The following RECK variants were observed in gnomAD, a reference collection of about 807,000 sequenced individuals.
RECK encodes the protein reversion-inducing cysteine-rich protein with Kazal motifs.
In RECK, 69 loss-of-function variants were observed where a neutral mutation model predicts 115.1. The observed-to-expected ratio is 0.60, with a 90% CI of 0.49 to 0.73. The LOEUF (loss-of-function observed/expected upper bound fraction) is 0.73. Ranked by LOEUF, RECK falls within the 30% of genes least tolerant of loss-of-function variation. The pLI, the probability that RECK is intolerant of heterozygous loss-of-function variation, is 0.00. For synonymous variants in RECK, 414 were observed against 419.7 expected, an observed-to-expected ratio of 0.99 and a Z score of 0.17; for missense variants, 1,047 against 1,203.7, an observed-to-expected ratio of 0.87 and a Z score of 1.93.
Position 36,037,017 on chromosome 9 carries a change from T to C in RECK, c.19T>C (p.Ser7Pro), listed in dbSNP as rs1419595524. MATVRA[S>P]LRGALLLLLA... ...CCCGGACATGGCGACCGTCCGGGCC[T>C]CTCTGCGAGGTGCGCTGCTCCTTCT... The change falls in exon 1 of 21, where the codon TCT (serine) becomes CCT (proline). Residue 7 changes from serine to proline, a missense_variant. Ser to Pro is a moderately conservative substitution (Grantham distance 74, BLOSUM62 -1). Coordinates refer to ENST00000377966, the MANE Select transcript of RECK (RefSeq NM_021111.3). 7.0e-7 allele frequency: 1 copy of C among 1,432,606 alleles called. No homozygotes were observed. Among genetic ancestry groups the C allele is most frequent in the Non-Finnish European group, 9.2e-7 (1 of 1,089,936 alleles). 88.7% of individuals were successfully genotyped at this position (1,432,606 alleles called of 1,614,324 possible).
intron 6 of RECK, among the ~76,000 whole-genome samples, chr9:36,069,675 A>G (rs1201323091): frequency 1.3e-5 from 2 of 152,138 alleles, no homozygotes; most frequent in African/African-American, 4.8e-5. Flanking sequence ...GGGCTGAAAA[A>G]TAGTTTAGGA....
chr9:36,053,907 T>C (rs1588274080), intron 2 of RECK, among the ~76,000 whole-genome samples: 2 of 152,316 alleles, frequency 1.3e-5, no homozygotes, highest in East Asian at 3.9e-4. Flanking sequence ...ATATTACTCC[T>C]ATTACTGGTT....
At chr9:36,099,271 A>G (rs1164396118) in intron 10 of RECK, among the ~76,000 whole-genome samples, 1 of 149,710 alleles carries the variant, frequency 6.7e-6, no homozygotes, top group Admixed American at 6.7e-5. Context: ...CAACAACAAC[A>G]GTGGAGCTTT....
chr9:36,040,029 A>G (rs1820816521), intron 1 of RECK, among the ~76,000 whole-genome samples: 1 of 152,132 alleles, frequency 6.6e-6, no homozygotes, highest in South Asian at 2.1e-4. Flanking sequence ...GGTTATTTTT[A>G]TATATTATAA....
intron 1 of RECK, among the ~76,000 whole-genome samples, chr9:36,043,094 G>T (rs1036544213): frequency 1.6e-5 from 2 of 127,106 alleles, no homozygotes; most frequent in South Asian, 2.6e-4. Context: ...TCGTGATCTC[G>T]GCTCACTGCA....
intron 17 of RECK, 105 bp from the exon 18 acceptor site, chr9:36,118,652 G>GT (rs1348236277): frequency 1.1e-5 from 12 of 1,074,956 alleles, no homozygotes; most frequent in Non-Finnish European, 1.6e-5. Flanking sequence ...ATTTATACCT[G>GT]TGTCTTTTTT....
chr9:36,120,059 C>A, intron 18 of RECK, among the ~76,000 whole-genome samples: 1 of 151,876 alleles, frequency 6.6e-6, no homozygotes, highest in Non-Finnish European at 1.5e-5. Context: ...ACGGTGAAAC[C>A]CTGTCTCTAC....
At chr9:36,100,159 AG>A (rs1421611246) in intron 10 of RECK, among the ~76,000 whole-genome samples, 171 bp from the exon 11 acceptor site, 1 of 152,238 alleles carries the variant, frequency 6.6e-6, no homozygotes, top group Non-Finnish European at 1.5e-5. Flanking sequence ...GTTTAATGCT[AG>A]TGTCTACACT....
At chr9:36,038,865 T>C (rs115788811) in intron 1 of RECK, among the ~76,000 whole-genome samples, 1 of 151,728 alleles carries the variant, frequency 6.6e-6, no homozygotes, top group Non-Finnish European at 1.5e-5. Flanking sequence ...TGATTGCTAA[T>C]GAGTATGAAG....
At chr9:36,037,452 G>A (rs1820711094) in intron 1 of RECK, among the ~76,000 whole-genome samples, 1 of 151,702 alleles carries the variant, frequency 6.6e-6, no homozygotes, top group African/African-American at 2.4e-5. Context: ...ATGGGATTTC[G>A]GATACGCAGC....
chr9:36,104,326 A>ATTT (rs869033299), intron 12 of RECK, among the ~76,000 whole-genome samples: 1 of 27,516 alleles, frequency 3.6e-5, no homozygotes, highest in African/African-American at 2.1e-4. Flanking sequence ...ATATATATAT[A>ATTT]TTTTTTTTTT....
intron 6 of RECK, among the ~76,000 whole-genome samples, chr9:36,074,363 G>T (rs764017408): frequency 3.9e-5 from 6 of 152,178 alleles, no homozygotes; most frequent in Non-Finnish European, 7.3e-5. Flanking sequence ...TATTTAATAT[G>T]TATCAGGCAT....
In RECK at chr9:36,080,601, A is replaced by G. The variant is rs752069229; in HGVS notation, c.406-4A>G. On this transcript the variant is annotated splice_region_variant and splice_polypyrimidine_tract_variant and intron_variant, in intron 6 of 20. Transcript: ENST00000377966. ...CTGTTTATTTGTTTTTCTTCAATTTACAGAATGCTCTTTTCAGTTGCATTA... is the reference window on the plus strand; with the variant it reads ...CTGTTTATTTGTTTTTCTTCAATTTGCAGAATGCTCTTTTCAGTTGCATTA... 36 of 1,605,222 alleles carry G rather than the reference A, an allele frequency of 2.2e-5. No homozygotes were observed. Among genetic ancestry groups the G allele is most frequent in the Non-Finnish European group, 3.0e-5 (35 of 1,174,450 alleles).
Position 36,091,144 on chromosome 9 carries a change from C to T in RECK, c.906-20C>T. 1 of 1,612,652 alleles carries T rather than the reference C, an allele frequency of 6.2e-7. No individual in the cohort carries two copies. Among genetic ancestry groups the T allele is most frequent in the Non-Finnish European group, 8.5e-7 (1 of 1,178,972 alleles). ...CTTGGTTGGCTCATGTCGGCTTCTGCATTTGTGCTCTTGTTTCAGGGAACT... is the reference window on the plus strand; with the variant it reads ...CTTGGTTGGCTCATGTCGGCTTCTGTATTTGTGCTCTTGTTTCAGGGAACT... On this transcript the variant is annotated intron_variant, in intron 9 of 20. Transcript: ENST00000377966.
intron 10 of RECK, among the ~76,000 whole-genome samples, chr9:36,098,461 C>G (rs1303972839): frequency 6.6e-6 from 1 of 152,116 alleles, no homozygotes; most frequent in Non-Finnish European, 1.5e-5. Context: ...ACAAGAATGC[C>G]TGAAATTAAA....
intron 1 of RECK, among the ~76,000 whole-genome samples, chr9:36,038,239 G>T (rs1290726869): frequency 6.6e-6 from 1 of 152,022 alleles, no homozygotes; most frequent in Non-Finnish European, 1.5e-5. Context: ...CTCGAGCCCC[G>T]GGAAGTTGAG....
At chr9:36,054,777 C>A (rs1000564201) in intron 2 of RECK, among the ~76,000 whole-genome samples, 3 of 152,052 alleles carry the variant, frequency 2.0e-5, no homozygotes, top group Middle Eastern at 6.8e-3. Flanking sequence ...TATGTCTTAC[C>A]TGTATATATT....
chr9:36,063,123 A>G (rs1821850444), intron 4 of RECK, among the ~76,000 whole-genome samples: 1 of 152,116 alleles, frequency 6.6e-6, no homozygotes, highest in Non-Finnish European at 1.5e-5. Flanking sequence ...CAACAGAGCA[A>G]GACTCCATCT....
At chr9:36,059,586 A>G (rs1049208322) in intron 3 of RECK, among the ~76,000 whole-genome samples, 5 of 152,134 alleles carry the variant, frequency 3.3e-5, no homozygotes, top group African/African-American at 1.2e-4. Context: ...ATAAGGGAAA[A>G]TATATGACTT....
Sources: gnomAD v4.1 joint callset for allele counts (sites outside exome capture counted in the v4.1 genomes callset) on GRCh38, gnomAD v4.1.1 for gene constraint, MANE v1.5 for transcripts, NCBI Gene and HGNC (gene_info 2026-07-23, HGNC 2026-07-21) for gene names.